Variants in PLIN2 observed in about 807,000 individuals in gnomAD.
PLIN2 encodes perilipin-2.
A neutral mutation model predicts 30.6 loss-of-function variants in PLIN2; 33 were observed. The ratio of observed to expected loss-of-function variants is 1.08; its 90% CI spans 0.82 to 1.44. The LOEUF (loss-of-function observed/expected upper bound fraction) is 1.44, where lower values mean the gene tolerates loss of function less well. Among genes scored for constraint, PLIN2 ranks in the 40% most tolerant of loss-of-function variants. The pLI is 0.00. For synonymous variants in PLIN2, 205 were observed against 201.1 expected, an observed-to-expected ratio of 1.02 and a Z score of -0.16; for missense variants, 610 against 531.8, an observed-to-expected ratio of 1.15 and a Z score of -1.45.
intron 3 of PLIN2, among the ~76,000 whole-genome samples, chr9:19,124,559 G>C (rs1053946020): frequency 1.3e-5 from 2 of 152,158 alleles, no homozygotes; most frequent in African/African-American, 4.8e-5. Context: ...TTAACCATTT[G>C]AAAGAATGAT....
chr9:19,111,026 C>T (rs1049742708), downstream of PLIN2, among the ~76,000 whole-genome samples: 4 of 152,110 alleles, frequency 2.6e-5, no homozygotes, highest in Non-Finnish European at 5.9e-5. Flanking sequence ...GCCTTCCTAT[C>T]ACTTCACTTA....
chr9:19,118,180 T>C (rs1434747474), intron 7 of PLIN2, 141 bp downstream of exon 7: 1 of 786,374 alleles, frequency 1.3e-6, no homozygotes. Flanking sequence ...TTCTGCCACA[T>C]AACTAGCCAC....
At chr9:19,114,460 A>C (rs1006835463), downstream of PLIN2, among the ~76,000 whole-genome samples, 2 of 151,650 alleles carry the variant, frequency 1.3e-5, no homozygotes, top group African/African-American at 4.8e-5. Context: ...GTTGGAGTGC[A>C]GTGGCGCAAT....
At chr9:19,109,066 C>G (rs1051362858) in intron 2 of PLIN2, among the ~76,000 whole-genome samples, 1 of 152,134 alleles carries the variant, frequency 6.6e-6, no homozygotes, top group Non-Finnish European at 1.5e-5. Flanking sequence ...CCCCACTTTT[C>G]CATAAGCAAG....
intron 4 of PLIN2, among the ~76,000 whole-genome samples, chr9:19,122,323 G>T (rs1213180862): frequency 6.6e-6 from 1 of 151,890 alleles, no homozygotes; most frequent in Non-Finnish European, 1.5e-5. Flanking sequence ...ACTATTCAAT[G>T]ATAGTCCCAT....
At chr9:19,117,742 C>T (rs987793891) in intron 7 of PLIN2, among the ~76,000 whole-genome samples, 2 of 151,888 alleles carry the variant, frequency 1.3e-5, no homozygotes, top group Non-Finnish European at 1.5e-5. Context: ...CTCAGCTGCC[C>T]GAGTAGCTGG....
At chr9:19,122,928 G>C (rs1383316341) in intron 4 of PLIN2, among the ~76,000 whole-genome samples, 1 of 152,138 alleles carries the variant, frequency 6.6e-6, no homozygotes, top group Non-Finnish European at 1.5e-5. Flanking sequence ...ATCTAGGTTG[G>C]TGTGAGTATA....
intron 2 of PLIN2, among the ~76,000 whole-genome samples, chr9:19,109,402 AAGTT>A (rs1292105995): frequency 1.3e-5 from 2 of 151,684 alleles, no homozygotes; most frequent in Non-Finnish European, 2.9e-5. Flanking sequence ...AAAATACAAA[AAGTT>A]AGCCAGGCGT....
downstream of PLIN2, chr9:19,115,740 G>C (rs1818211327): frequency 6.5e-6 from 1 of 152,976 alleles, no homozygotes. Flanking sequence ...AACACACAAA[G>C]CATATGGAAC....
chr9:19,121,026 T>A lies in PLIN2; in HGVS notation c.449A>T (p.Glu150Val). The A allele has an allele frequency of 6.2e-7, 1 of 1,614,166 alleles. No homozygotes were observed. Among genetic ancestry groups the A allele is most frequent in the Non-Finnish European group, 8.5e-7 (1 of 1,180,010 alleles). ...GCCACTGACCACAGACTTGGTCTTC[T>A]CCACACTGCCAGTCACTGCCCCTTT... The part of the protein sequence containing the change: ...KTKGAVTGSV[E>V]KTKSVVSGSI... Residue 150 changes from glutamate (E) to valine (V), a missense_variant, in exon 5 of 8, where the codon GAG (glutamate) becomes GTG (valine). Physicochemically the swap from Glu to Val is moderately radical, Grantham distance 121. Transcript: ENST00000276914.
At chr9:19,109,694 G>A (rs1212061444) in intron 2 of PLIN2, among the ~76,000 whole-genome samples, 6 of 151,992 alleles carry the variant, frequency 3.9e-5, no homozygotes, top group Admixed American at 2.6e-4. Context: ...AAGACCAGGT[G>A]CGGTGGCTCA....
chr9:19,109,540 G>A (rs201568585), intron 2 of PLIN2, among the ~76,000 whole-genome samples: 31 of 127,580 alleles, frequency 2.4e-4, no homozygotes, highest in South Asian at 7.9e-4. Flanking sequence ...GACTCTGTCT[G>A]AAAAAAAAAA....
At chr9:19,114,180 G>A (rs1190775136), downstream of PLIN2, among the ~76,000 whole-genome samples, 1 of 152,076 alleles carries the variant, frequency 6.6e-6, no homozygotes, top group African/African-American at 2.4e-5. Context: ...CTCCCAAAGT[G>A]CTGGGATTAC....
At chr9:19,108,959 T>C (rs981999155) in intron 2 of PLIN2, among the ~76,000 whole-genome samples, 1 of 152,234 alleles carries the variant, frequency 6.6e-6, no homozygotes, top group Non-Finnish European at 1.5e-5. Flanking sequence ...TAACTAGTGG[T>C]GGAACCTAGT....
chr9:19,109,615 G>T (rs962547628), intron 2 of PLIN2, among the ~76,000 whole-genome samples: 1 of 149,388 alleles, frequency 6.7e-6, no homozygotes, highest in African/African-American at 2.4e-5. Context: ...AATCTTGATA[G>T]TGGAGGAAAA....
At chr9:19,122,796 T>C (rs968396932) in intron 4 of PLIN2, among the ~76,000 whole-genome samples, 4 of 151,960 alleles carry the variant, frequency 2.6e-5, no homozygotes, top group African/African-American at 9.7e-5. Context: ...AATCTAATGA[T>C]AAATATAGTG....
At position 19,120,994 on chromosome 9, in the gene PLIN2, T is replaced by C. The variant is rs773358886; in HGVS notation, c.481A>G (p.Asn161Asp). Residue 161 changes from asparagine to aspartate, a missense_variant, in exon 5 of 8, where the codon AAC (asparagine) becomes GAC (aspartate). Asn to Asp is a conservative substitution (Grantham distance 23). Coordinates refer to ENST00000276914, the MANE Select transcript of PLIN2 (RefSeq NM_001122.4). ...ATCATCCGACTCCCCAAGACTGTGT[T>C]AATGCTGCCACTGACCACAGACTTG... ...KTKSVVSGSI[N>D]TVLGSRMMQL... 1.2e-6 allele frequency: 2 copies of C among 1,614,092 alleles called. No homozygotes were observed. Among genetic ancestry groups the C allele is most frequent in the Non-Finnish European group, 8.5e-7 (1 of 1,180,038 alleles).
intron 7 of PLIN2, 91 bp from the exon 8 acceptor site, chr9:19,116,740 T>C: frequency 9.6e-7 from 1 of 1,043,370 alleles, no homozygotes; most frequent in Non-Finnish European, 1.4e-6. Flanking sequence ...GTCCACCACA[T>C]ATGTGGATTC....
Position 19,123,572 on chromosome 9 carries a change from G to A in PLIN2, c.302C>T (p.Ser101Leu), listed in dbSNP as rs774366886. The A allele has an allele frequency of 3.1e-6, 5 of 1,614,210 alleles. No homozygotes were observed. The East Asian group carries it at 1.1e-4, about 36-fold the overall frequency. Residue 101 changes from serine to leucine, a missense_variant, in exon 4 of 8, where the codon TCA becomes TTA. Physicochemically the swap from Ser to Leu is moderately radical, Grantham distance 145. Transcript: ENST00000276914. The part of the protein sequence containing the change: ...EERLPILNQP[S>L]TQIVANAKGA... ...CTTTTGTCCCAAGCTCACCTGAGTT[G>A]ATGGCTGATTCAGAATAGGCAGTCT...
Sources: allele counts gnomAD v4.1 joint callset (sites outside exome capture counted in the v4.1 genomes callset), GRCh38; gene constraint gnomAD v4.1.1; transcripts MANE v1.5; gene names NCBI Gene and HGNC (gene_info 2026-07-23, HGNC 2026-07-21).